Variants in ENPP6 observed in about 807,000 individuals in gnomAD.
ENPP6 encodes the protein glycerophosphocholine cholinephosphodiesterase ENPP6.
Under a neutral mutation model 42.0 loss-of-function variants are expected in ENPP6, and 32 were observed. The observed-to-expected ratio is 0.76, with a 90% confidence interval of 0.58 to 1.02. The LOEUF is 1.02. Among genes scored for constraint, ENPP6 ranks in the 50% least tolerant of loss-of-function variants. The probability of loss-of-function intolerance (pLI) is 0.00; values close to 1 mark genes in which losing one functional copy is unlikely to be tolerated. For synonymous variants in ENPP6, 213 were observed against 216.0 expected (o/e 0.99, Z 0.12); for missense variants, 552 against 566.8 (o/e 0.97, Z 0.27).
intron 1 of ENPP6, among the ~76,000 whole-genome samples, chr4:184,195,525 C>T (rs895185289): frequency 6.6e-6 from 1 of 152,190 alleles, no homozygotes; most frequent in African/African-American, 2.4e-5. Flanking sequence ...ATCATCACCA[C>T]GTCTGGCTCC....
intron 2 of ENPP6, among the ~76,000 whole-genome samples, chr4:184,128,971 A>G (rs535787894): frequency 5.9e-5 from 9 of 152,346 alleles, no homozygotes; most frequent in Middle Eastern, 3.4e-3. Context: ...ATTAAAAAGA[A>G]ACCTTTATGT....
At chr4:184,160,001 A>G (rs1182625591) in intron 1 of ENPP6, among the ~76,000 whole-genome samples, 2 of 152,238 alleles carry the variant, frequency 1.3e-5, no homozygotes, top group African/African-American at 4.8e-5. Context: ...TTTATGGTTG[A>G]ATAGTATTCC....
At chr4:184,114,426 A>C (rs866334291) in intron 5 of ENPP6, among the ~76,000 whole-genome samples, 3 of 152,350 alleles carry the variant, frequency 2.0e-5, no homozygotes, top group Middle Eastern at 3.4e-3. Flanking sequence ...AAAATAATGT[A>C]GTGGATGGTT....
intron 1 of ENPP6, among the ~76,000 whole-genome samples, chr4:184,161,969 A>T (rs1737268478): frequency 6.6e-6 from 1 of 152,082 alleles, no homozygotes. Flanking sequence ...AATCTCAGAA[A>T]TCACCACTAA....
At chr4:184,217,271 C>T (rs575037280) in intron 1 of ENPP6, among the ~76,000 whole-genome samples, 66 of 152,062 alleles carry the variant, frequency 4.3e-4, no homozygotes, top group Non-Finnish European at 8.7e-4. Flanking sequence ...ATATGAGCCT[C>T]ATTAGAATTT....
chr4:184,100,761 C>T (rs531050639), intron 6 of ENPP6, among the ~76,000 whole-genome samples: 6 of 152,078 alleles, frequency 3.9e-5, no homozygotes, highest in Non-Finnish European at 7.4e-5. Context: ...GAGTCCCAGG[C>T]GATGGTGGAA....
intron 6 of ENPP6, among the ~76,000 whole-genome samples, chr4:184,105,192 T>A (rs1186020481): frequency 6.6e-6 from 1 of 152,086 alleles, no homozygotes; most frequent in Admixed American, 6.5e-5. Flanking sequence ...ATGCAAATCA[T>A]CCATGTTGGT....
intron 1 of ENPP6, among the ~76,000 whole-genome samples, chr4:184,174,673 G>A (rs1410019970): frequency 2.4e-4 from 2 of 8,252 alleles, no homozygotes; most frequent in Admixed American, 2.7e-3. Flanking sequence ...ACTAATCTAC[G>A]TCTAATTTGT....
chr4:184,131,234 CCT>C (rs1560987373), intron 2 of ENPP6, among the ~76,000 whole-genome samples: 2,368 of 74,314 alleles, frequency 0.032, 185 homozygotes, highest in Middle Eastern at 0.046. Flanking sequence ...TTCTTTCTTT[CCT>C]TTTCTTTCTT....
In ENPP6 at chr4:184,107,808, G is replaced by A. The variant is rs931847812; in HGVS notation, c.993+4864C>T. ...CGGGCGCCTGTTGTCCCAGCTACTC[G>A]GGAGGCTGAGGCAGGAGAATGGCGT... On this transcript the variant is annotated intron_variant, in intron 6 of 7. Coordinates refer to ENST00000296741, the MANE Select transcript of ENPP6 (RefSeq NM_153343.4). Among the ~76,000 whole-genome samples, 6 of 151,998 alleles carry A rather than the reference G, an allele frequency of 3.9e-5. 1 individual carries two copies. Among genetic ancestry groups the A allele is most frequent in the South Asian group, 2.1e-4 (1 of 4,794 alleles).
chr4:184,125,879 T>A (rs566702893), intron 2 of ENPP6, among the ~76,000 whole-genome samples: 1 of 152,328 alleles, frequency 6.6e-6, no homozygotes, highest in South Asian at 2.1e-4. Context: ...ACTATATCAC[T>A]TTAGATACCA....
intron 1 of ENPP6, among the ~76,000 whole-genome samples, chr4:184,192,409 G>T (rs995345557): frequency 3.9e-5 from 6 of 152,106 alleles, no homozygotes; most frequent in Admixed American, 2.0e-4. Context: ...CAAATAGTGC[G>T]GGGACAACTA....
At chr4:184,112,115 G>C (rs1736205047) in intron 6 of ENPP6, among the ~76,000 whole-genome samples, 1 of 152,204 alleles carries the variant, frequency 6.6e-6, no homozygotes, top group Non-Finnish European at 1.5e-5. Flanking sequence ...ACCGTGGCCT[G>C]ATATCACAAG....
At chr4:184,130,075 C>A (rs1261686768) in intron 2 of ENPP6, among the ~76,000 whole-genome samples, 2 of 152,082 alleles carry the variant, frequency 1.3e-5, no homozygotes, top group African/African-American at 2.4e-5. Flanking sequence ...AGATTGGGTG[C>A]GGAGCTTAGG....
rs537690305 is a variant in ENPP6, at chr4:184,096,169, C to G, written c.1117+1076G>C. 7.2e-5 allele frequency among the ~76,000 whole-genome samples: 11 copies of G among 152,286 alleles called. No individual in the cohort carries two copies. The South Asian group carries it at 2.3e-3, about 32-fold the overall frequency. On this transcript the variant is annotated intron_variant, in intron 7 of 7. Transcript: ENST00000296741. ...CCACGGAGGTTGCAGAAACTGACAC[C>G]TCATAGTTCCTAAAAGGGATTTTGT...
chr4:184,203,447 G>A lies in ENPP6; in HGVS notation c.241+14132C>T, dbSNP rs1158410571. On this transcript the variant is annotated intron_variant, in intron 1 of 7. Transcript: ENST00000296741. Reference sequence around the variant, plus strand: ...TCCCAGCCTCAGGACCTGTGAATGTGACCTTATTAGAAATAAGCCCTTTGC... The same window carrying A: ...TCCCAGCCTCAGGACCTGTGAATGTAACCTTATTAGAAATAAGCCCTTTGC... Among the ~76,000 whole-genome samples the A allele has an allele frequency of 5.3e-5, 8 of 152,268 alleles. No individual in the cohort carries two copies. In the East Asian group the frequency reaches 1.2e-3, roughly 22 times the overall value.
At chr4:184,143,822 A>T (rs35707453) in intron 2 of ENPP6, among the ~76,000 whole-genome samples, 84 of 152,246 alleles carry the variant, frequency 5.5e-4, no homozygotes, top group Non-Finnish European at 1.0e-3. Flanking sequence ...GCTTTTTAAA[A>T]AAACATCTTC....
intron 1 of ENPP6, among the ~76,000 whole-genome samples, chr4:184,212,682 C>A (rs1048446758): frequency 1.6e-4 from 24 of 151,758 alleles, no homozygotes; most frequent in Non-Finnish European, 2.8e-4. Flanking sequence ...TTTACAGATT[C>A]AATGCCATCC....
intron 2 of ENPP6, among the ~76,000 whole-genome samples, chr4:184,137,587 T>C (rs998012361): frequency 6.6e-6 from 1 of 152,244 alleles, no homozygotes; most frequent in Non-Finnish European, 1.5e-5. Context: ...GGATTTAGGC[T>C]ATGAGCAGAC....
Sources: gnomAD v4.1 joint callset for allele counts (sites outside exome capture counted in the v4.1 genomes callset) on GRCh38, gnomAD v4.1.1 for gene constraint, MANE v1.5 for transcripts, NCBI Gene and HGNC (gene_info 2026-07-23, HGNC 2026-07-21) for gene names.